YPEL2: variants seen among roughly 807,000 people sequenced by gnomAD.
YPEL2 encodes the protein yippee like 2.
YPEL2 carries 2 observed loss-of-function variants against 19.1 expected under a neutral mutation model. The ratio of observed to expected loss-of-function variants is 0.10; its 90% CI spans 0.04 to 0.33. The LOEUF (loss-of-function observed/expected upper bound fraction) is 0.33, where lower values mean the gene tolerates loss of function less well. Ranked by LOEUF, YPEL2 falls within the 10% of genes least tolerant of loss-of-function variation. YPEL2 has a pLI of 1.00. For missense variants in YPEL2, 66 were observed against 140.7 expected, an observed-to-expected ratio of 0.47 and a Z score of 2.68; for synonymous variants, 52 against 50.0, an observed-to-expected ratio of 1.04 and a Z score of -0.17.
chr17:59,401,300 ATATT>A lies in YPEL2; in HGVS notation c.*4113_*4116del, dbSNP rs1397180427. 1 of 152,564 alleles carries A rather than the reference ATATT, an allele frequency of 6.6e-6. No individual in the cohort carries two copies. The highest frequency in any genetic ancestry group is 1.5e-5 in the Non-Finnish European group (1 of 68,036). 9.5% of individuals were successfully genotyped at this position (152,564 alleles called of 1,614,324 possible). A position where few individuals can be genotyped will look rare whatever the true frequency, so the allele number is the denominator to read the frequency against. Reference sequence around the variant, plus strand: ...CTAGTTATCTAGATAGAGGAAAGAGATATTTACTTTTTTAAAAATTAAAATAGTT... The same window carrying A: ...CTAGTTATCTAGATAGAGGAAAGAGATACTTTTTTAAAAATTAAAATAGTT... On this transcript the variant is annotated 3_prime_UTR_variant, in exon 5 of 5. Coordinates refer to ENST00000312655, the MANE Select transcript of YPEL2 (RefSeq NM_001005404.4).
intron 1 of YPEL2, among the ~76,000 whole-genome samples, chr17:59,337,788 A>G (rs1228269946): frequency 1.3e-5 from 2 of 152,172 alleles, no homozygotes; most frequent in African/African-American, 4.8e-5. Context: ...AGGTGTTAAC[A>G]TTTTGGAGAT....
At chr17:59,341,403 G>A (rs1012011529) in intron 1 of YPEL2, among the ~76,000 whole-genome samples, 3 of 150,934 alleles carry the variant, frequency 2.0e-5, no homozygotes, top group Non-Finnish European at 4.4e-5. Flanking sequence ...AAAAAAAAAG[G>A]CCAGGCGCGG....
intron 1 of YPEL2, among the ~76,000 whole-genome samples, chr17:59,343,464 GAGAAAAATTA>G (rs1286380140): frequency 2.0e-5 from 3 of 152,138 alleles, no homozygotes; most frequent in Non-Finnish European, 2.9e-5. Flanking sequence ...TGCCATTCCA[GAGAAAAATTA>G]AGTTTTTTGT....
rs151277212 is a variant in YPEL2, at chr17:59,343,400, T to C, written c.-195-9815T>C. Among the ~76,000 whole-genome samples the C allele has an allele frequency of 9.0e-3, 1,367 of 152,216 alleles. 24 individuals carry two copies. Among genetic ancestry groups the C allele is most frequent in the African/African-American group, 0.031 (1,280 of 41,504 alleles). ...GGATCTGGAAGGCCGGACCTTTGACTGCAAGAAGTTCCCAGTCTTATGGGG... is the reference window on the plus strand; with the variant it reads ...GGATCTGGAAGGCCGGACCTTTGACCGCAAGAAGTTCCCAGTCTTATGGGG... On this transcript the variant is annotated intron_variant, in intron 1 of 4. Coordinates refer to ENST00000312655, the MANE Select transcript of YPEL2 (RefSeq NM_001005404.4).
intron 2 of YPEL2, among the ~76,000 whole-genome samples, chr17:59,364,612 C>CTTTTT (rs56282847): frequency 4.6e-5 from 5 of 108,702 alleles, no homozygotes; most frequent in East Asian, 2.6e-4. Flanking sequence ...CCCTCTGTGT[C>CTTTTT]TTTTTTTTTT....
chr17:59,373,497 G>A (rs533386154), intron 2 of YPEL2, among the ~76,000 whole-genome samples: 155 of 152,180 alleles, frequency 1.0e-3, no homozygotes, highest in African/African-American at 3.2e-3. Context: ...TTATTGCCGC[G>A]ATTTATACTG....
chr17:59,391,542 A>G (rs1410856114), intron 4 of YPEL2, among the ~76,000 whole-genome samples: 1 of 151,940 alleles, frequency 6.6e-6, no homozygotes, highest in Non-Finnish European at 1.5e-5. Context: ...TCCCAGGTGG[A>G]GCCTGGTAGC....
At chr17:59,370,679 C>T (rs1406920769) in intron 2 of YPEL2, among the ~76,000 whole-genome samples, 1 of 152,172 alleles carries the variant, frequency 6.6e-6, no homozygotes, top group African/African-American at 2.4e-5. Flanking sequence ...ACATGGCACC[C>T]CAGATTGCTT....
chr17:59,368,962 G>T (rs1356352314), intron 2 of YPEL2, among the ~76,000 whole-genome samples: 1 of 152,116 alleles, frequency 6.6e-6, no homozygotes, highest in Non-Finnish European at 1.5e-5. Context: ...GTCCCTCCTT[G>T]GTGGTGCCTT....
intron 2 of YPEL2, among the ~76,000 whole-genome samples, chr17:59,374,554 C>T (rs111635271): frequency 3.3e-5 from 5 of 152,274 alleles, no homozygotes; most frequent in Non-Finnish European, 5.9e-5. Context: ...CAATGTACTT[C>T]GGTTTGTGCA....
intron 1 of YPEL2, among the ~76,000 whole-genome samples, chr17:59,352,923 G>T (rs1378414053): frequency 6.6e-6 from 1 of 152,162 alleles, no homozygotes; most frequent in Non-Finnish European, 1.5e-5. Flanking sequence ...ACATCTTCAA[G>T]CCTGATGTTA....
In YPEL2 at chr17:59,387,930, C is replaced by T. The variant is rs556057022; in HGVS notation, c.118-397C>T. On this transcript the variant is annotated intron_variant, in intron 2 of 4. Transcript: ENST00000312655. Reference sequence around the variant, plus strand: ...AAGGAGCTTGTGGTGGTTTCCATGCCTGGGCCAGCCTGGGAAAGCTGTGGC... The same window carrying T: ...AAGGAGCTTGTGGTGGTTTCCATGCTTGGGCCAGCCTGGGAAAGCTGTGGC... Among the ~76,000 whole-genome samples, 5 of 152,336 alleles carry T rather than the reference C, an allele frequency of 3.3e-5. No homozygotes were observed. In the East Asian group the frequency reaches 9.6e-4, roughly 29 times the overall value.
chr17:59,337,312 C>T (rs979885270), intron 1 of YPEL2, among the ~76,000 whole-genome samples: 1 of 151,606 alleles, frequency 6.6e-6, no homozygotes, highest in African/African-American at 2.4e-5. Context: ...CTCAGCCTCC[C>T]GAGTAGCTGG....
intron 2 of YPEL2, among the ~76,000 whole-genome samples, chr17:59,358,817 A>G: frequency 6.6e-6 from 1 of 151,492 alleles, no homozygotes. Flanking sequence ...CATTTTGGCC[A>G]GGCTGATCTC....
At chr17:59,394,193 T>A (rs2048024725) in intron 4 of YPEL2, among the ~76,000 whole-genome samples, 1 of 151,608 alleles carries the variant, frequency 6.6e-6, no homozygotes, top group South Asian at 2.1e-4. Flanking sequence ...GGCGGGGGGC[T>A]GACCCCCACC....
intron 4 of YPEL2, among the ~76,000 whole-genome samples, chr17:59,394,957 C>T (rs1209649488): frequency 1.3e-5 from 2 of 152,216 alleles, no homozygotes; most frequent in Non-Finnish European, 2.9e-5. Context: ...GGCGTGGCGG[C>T]ACGCGCCTGC....
intron 2 of YPEL2, among the ~76,000 whole-genome samples, chr17:59,370,785 G>C (rs1475323241): frequency 6.6e-6 from 1 of 152,014 alleles, no homozygotes; most frequent in Non-Finnish European, 1.5e-5. Context: ...AGCAGGGGCA[G>C]AGAGTTATCC....
intron 2 of YPEL2, among the ~76,000 whole-genome samples, chr17:59,387,143 C>T (rs1322126922): frequency 6.6e-6 from 1 of 151,208 alleles, no homozygotes; most frequent in East Asian, 1.9e-4. Flanking sequence ...ACCTGTGGTC[C>T]CAGCTACTCA....
intron 2 of YPEL2, chr17:59,355,595 C>T (rs749847522): frequency 1.2e-4 from 19 of 152,394 alleles, no homozygotes; most frequent in Middle Eastern, 3.4e-3. Flanking sequence ...TCCTCCTACA[C>T]CTCCCTCCTC....
Sources: gnomAD v4.1 joint callset for allele counts (sites outside exome capture counted in the v4.1 genomes callset) on GRCh38, gnomAD v4.1.1 for gene constraint, MANE v1.5 for transcripts, NCBI Gene and HGNC (gene_info 2026-07-23, HGNC 2026-07-21) for gene names.